The following ZNF519 variants were observed in gnomAD, a reference collection of about 807,000 sequenced individuals.
ZNF519 encodes the protein zinc finger protein 519.
In ZNF519, 7 loss-of-function variants were observed where a neutral mutation model predicts 7.4. The ratio of observed to expected loss-of-function variants is 0.94; its 90% CI spans 0.54 to 1.77. ZNF519 has a LOEUF of 1.77. ZNF519 is among the 40% of genes most tolerant of loss of function. The pLI is 0.00. For synonymous variants in ZNF519, 179 were observed against 203.3 expected, an observed-to-expected ratio of 0.88 and a Z score of 1.02; for missense variants, 586 against 623.1, an observed-to-expected ratio of 0.94 and a Z score of 0.63.
At position 14,104,313 on chromosome 18, in the gene ZNF519, A is replaced by C. The variant is rs1323368348; in HGVS notation, c.*604T>G. 1.3e-5 allele frequency: 2 copies of C among 152,240 alleles called. No homozygotes were observed. The allele number at this position is 152,240 out of a possible 1,614,324, so 9.4% of individuals were successfully genotyped here. On this transcript the variant is annotated 3_prime_UTR_variant, in exon 3 of 3. Coordinates refer to ENST00000590202, the MANE Select transcript of ZNF519 (RefSeq NM_145287.4). ...CAATAATATTCTGAACACCTAACTC[A>C]TATATGACTTATATTCAGTGTTGTA...
At chr18:14,131,903 CTA>C (rs1167783484) in intron 1 of ZNF519, among the ~76,000 whole-genome samples, 5 of 152,216 alleles carry the variant, frequency 3.3e-5, no homozygotes, top group Non-Finnish European at 5.9e-5. Flanking sequence ...TATAAGCTGT[CTA>C]TGTTTTAATG....
At chr18:14,093,009 T>C (rs894421876) in intron 2 of ZNF519, among the ~76,000 whole-genome samples, 1 of 152,200 alleles carries the variant, frequency 6.6e-6, no homozygotes, top group African/African-American at 2.4e-5. Context: ...CTTCCTTTCT[T>C]AGAGATTACC....
At chr18:14,122,051 C>T (rs1481978678) in intron 2 of ZNF519, 3 of 152,140 alleles carry the variant, frequency 2.0e-5, no homozygotes, top group Non-Finnish European at 4.4e-5. Flanking sequence ...CTTTTTAGCA[C>T]ATCAGCTATC....
At chr18:14,118,090 G>A (rs537809374) in intron 2 of ZNF519, among the ~76,000 whole-genome samples, 10 of 152,040 alleles carry the variant, frequency 6.6e-5, no homozygotes, top group Non-Finnish European at 1.0e-4. Context: ...ACAGAGTCTC[G>A]CTCTGTCGTC....
At chr18:14,077,666 C>T (rs1220783142) in intron 4 of ZNF519, 1 of 152,168 alleles carries the variant, frequency 6.6e-6, no homozygotes, top group African/African-American at 2.4e-5. Context: ...AGAGGTTCTT[C>T]TTTTCCAGGA....
intron 2 of ZNF519, among the ~76,000 whole-genome samples, chr18:14,110,597 C>T (rs1170400361): frequency 1.3e-5 from 2 of 152,118 alleles, no homozygotes; most frequent in African/African-American, 4.8e-5. Flanking sequence ...TGCTCAACAT[C>T]ACTAATCAGA....
At chr18:14,116,479 C>A (rs1163133067) in intron 2 of ZNF519, among the ~76,000 whole-genome samples, 2 of 152,038 alleles carry the variant, frequency 1.3e-5, no homozygotes. Context: ...GATGATGGAA[C>A]AGAATGGAGA....
At chr18:14,120,688 AATG>A (rs1193618781) in intron 2 of ZNF519, among the ~76,000 whole-genome samples, 1 of 152,150 alleles carries the variant, frequency 6.6e-6, no homozygotes, top group Admixed American at 6.5e-5. Context: ...AAAGCAAAAC[AATG>A]ATGATGATAA....
intron 1 of ZNF519, among the ~76,000 whole-genome samples, chr18:14,124,811 C>T (rs1194683196): frequency 6.6e-6 from 1 of 152,076 alleles, no homozygotes; most frequent in Non-Finnish European, 1.5e-5. Context: ...ACTGCAGAAT[C>T]ATGCGAGGAA....
At chr18:14,087,858 A>G (rs1344418991) in intron 2 of ZNF519, among the ~76,000 whole-genome samples, 1 of 152,208 alleles carries the variant, frequency 6.6e-6, no homozygotes, top group Admixed American at 6.5e-5. Flanking sequence ...GTAAAAATGG[A>G]CAAAAAGGAT....
rs2046160255 is a variant in ZNF519, at chr18:14,101,408, ATGAAG to A, written c.*3504_*3508del. ...ATGCAAAAACACTCATGGTCATAAC[ATGAAG>A]TGAAAGTAAAATATAAATAATTTTC... On this transcript the variant is annotated 3_prime_UTR_variant, in exon 3 of 3. Transcript: ENST00000590202. 3.1e-6 allele frequency: 1 copy of A among 323,108 alleles called. No homozygotes were observed. The highest frequency in any genetic ancestry group is 5.6e-6 in the Non-Finnish European group (1 of 179,000). The allele number at this position is 323,108 out of a possible 1,614,324, so 20.0% of individuals were successfully genotyped here.
At chr18:14,129,318 A>G (rs1312487354) in intron 1 of ZNF519, among the ~76,000 whole-genome samples, 1 of 152,176 alleles carries the variant, frequency 6.6e-6, no homozygotes, top group Admixed American at 6.5e-5. Flanking sequence ...TGTGAGCACA[A>G]TTCCTGAGGG....
chr18:14,111,167 T>C (rs1457232386), intron 2 of ZNF519, among the ~76,000 whole-genome samples: 1 of 127,876 alleles, frequency 7.8e-6, no homozygotes, highest in Non-Finnish European at 1.7e-5. Flanking sequence ...AAAGTTGTTT[T>C]CTAAAAAAAA....
At chr18:14,076,547 T>C (rs1367315816) in exon 5 of ZNF519, 2 of 152,164 alleles carry the variant, frequency 1.3e-5, no homozygotes, top group African/African-American at 2.4e-5. Context: ...AAATTAGTAT[T>C]TGTGGATGCA....
chr18:14,119,569 CTGTT>C (rs1220547966), intron 2 of ZNF519, among the ~76,000 whole-genome samples: 1 of 152,150 alleles, frequency 6.6e-6, no homozygotes, highest in Non-Finnish European at 1.5e-5. Context: ...ACAACAAAAA[CTGTT>C]TGAACTAATA....
Position 14,115,697 on chromosome 18 carries a change from C to T in ZNF519, c.130+8653G>A, listed in dbSNP as rs150739513. Among the ~76,000 whole-genome samples, 102 of 152,152 alleles carry T rather than the reference C, an allele frequency of 6.7e-4. 1 individual carries two copies. Among genetic ancestry groups the T allele is most frequent in the Middle Eastern group, 6.8e-3 (2 of 294 alleles). On this transcript the variant is annotated intron_variant, in intron 2 of 2. Coordinates refer to ENST00000590202, the MANE Select transcript of ZNF519 (RefSeq NM_145287.4). ...CTTAATAAATGAATAAAGACAATTT[C>T]AAATATACAAATAAATAATATTCAG...
At position 14,115,121 on chromosome 18, in the gene ZNF519, C is replaced by T. The variant is rs564523639; in HGVS notation, c.131-8712G>A. On this transcript the variant is annotated intron_variant, in intron 2 of 2. Transcript: ENST00000590202. ...ATTTGTACTACTTCAGTTGCTGTAG[C>T]TTTATCCATTCCAAAAGCATGTAGA... is the stretch of plus-strand genomic sequence containing the variant. Among the ~76,000 whole-genome samples the T allele has an allele frequency of 9.2e-5, 14 of 152,294 alleles. No individual in the cohort carries two copies. The South Asian group carries it at 2.9e-3, about 32-fold the overall frequency.
In ZNF519 at chr18:14,128,247, C is replaced by A. The variant is rs557330258; in HGVS notation, c.4-3771G>T. Among the ~76,000 whole-genome samples, 250 of 152,078 alleles carry A rather than the reference C, an allele frequency of 1.6e-3. 5 individuals are homozygous for A. In the South Asian group the frequency reaches 0.05, roughly 30 times the overall value. On this transcript the variant is annotated intron_variant, in intron 1 of 2. Transcript: ENST00000590202. ...GGCAGAGCTTGCAGTGCGCCGAGAT[C>A]GCACCACTGCACTCCAGCCTGGGCG... is the stretch of plus-strand genomic sequence containing the variant.
At chr18:14,123,218 TAA>T (rs34503801) in intron 2 of ZNF519, 34,685 of 143,968 alleles carry the variant, frequency 0.24, 4,166 homozygotes, top group African/African-American at 0.32. Context: ...CTTGTTTTAT[TAA>T]AAAAAAAAAA....
Sources: gnomAD v4.1 joint callset for allele counts (sites outside exome capture counted in the v4.1 genomes callset) on GRCh38, gnomAD v4.1.1 for gene constraint, MANE v1.5 for transcripts, NCBI Gene and HGNC (gene_info 2026-07-23, HGNC 2026-07-21) for gene names.